The following NLK variants were observed in gnomAD, a reference collection of about 807,000 sequenced individuals.
NLK encodes nemo like kinase, also known as serine/threonine-protein kinase NLK.
In NLK, 11 loss-of-function variants were observed where a neutral mutation model predicts 59.0. The ratio of observed to expected loss-of-function variants is 0.19; its 90% confidence interval spans 0.12 to 0.31. The LOEUF is 0.31. Ranked by LOEUF, NLK falls within the 10% of genes least tolerant of loss-of-function variation. The pLI, the probability that NLK is intolerant of heterozygous loss-of-function variation, is 1.00. For synonymous variants in NLK, 235 were observed against 235.9 expected (o/e 1.00, Z 0.03); for missense variants, 410 against 661.1 (o/e 0.62, Z 4.16).
chr17:28,053,656 G>C (rs1909339003), intron 1 of NLK, among the ~76,000 whole-genome samples: 1 of 152,064 alleles, frequency 6.6e-6, no homozygotes, highest in South Asian at 2.1e-4. Context: ...TAAAATTCTT[G>C]CTCTGAGCTA....
At chr17:28,199,495 G>A (rs776371787), downstream of NLK, among the ~76,000 whole-genome samples, 7 of 151,728 alleles carry the variant, frequency 4.6e-5, no homozygotes, top group Non-Finnish European at 1.0e-4. Context: ...GTGAAAACCC[G>A]TCTCTACTAA....
rs566365199 is a variant in NLK at position 28,051,277 on chromosome 17, ATTTG to A, written c.458+7974_458+7977del. On this transcript the variant is annotated intron_variant, in intron 1 of 10. Transcript: ENST00000407008. ...TATTAATACAATTCTTCCAAATCTC[ATTTG>A]TTTGTTTGTTTGTTTGTTTGTTTGT... Among the ~76,000 whole-genome samples the A allele has an allele frequency of 8.7e-3, 1,313 of 151,488 alleles. 14 individuals carry two copies. The highest frequency in any genetic ancestry group is 0.02 in the Middle Eastern group (6 of 294).
chr17:28,179,330 A>G (rs1308948238), intron 7 of NLK, among the ~76,000 whole-genome samples: 1 of 152,126 alleles, frequency 6.6e-6, no homozygotes, highest in African/African-American at 2.4e-5. Flanking sequence ...TCCAGGCTCA[A>G]GCAATCCTCC....
At chr17:28,169,724 T>C (rs1260135182) in intron 6 of NLK, among the ~76,000 whole-genome samples, 4 of 145,786 alleles carry the variant, frequency 2.7e-5, no homozygotes, top group South Asian at 2.1e-4. Flanking sequence ...TCTTCTTCTT[T>C]TTTTTTTTTT....
At chr17:28,088,391 A>G (rs1358133774) in intron 1 of NLK, among the ~76,000 whole-genome samples, 2 of 152,204 alleles carry the variant, frequency 1.3e-5, no homozygotes, top group Non-Finnish European at 2.9e-5. Context: ...TGTATTTGTT[A>G]GCTGAAATAG....
intron 3 of NLK, among the ~76,000 whole-genome samples, chr17:28,141,964 A>G (rs1567725965): frequency 6.6e-6 from 1 of 152,330 alleles, no homozygotes; most frequent in African/African-American, 2.4e-5. Context: ...TTGGAGGGTT[A>G]TGACGGTGGA....
intron 8 of NLK, among the ~76,000 whole-genome samples, chr17:28,187,489 A>G (rs565638839): frequency 6.6e-6 from 1 of 152,170 alleles, no homozygotes; most frequent in South Asian, 2.1e-4. Context: ...TTTAGTAGAG[A>G]TGGGGTTTCA....
At chr17:28,132,276 G>A (rs1351157203) in intron 2 of NLK, among the ~76,000 whole-genome samples, 1 of 152,134 alleles carries the variant, frequency 6.6e-6, no homozygotes, top group African/African-American at 2.4e-5. Context: ...GTTGAACAGA[G>A]GAATAAAGGA....
At chr17:28,088,294 A>G (rs1251551545) in intron 1 of NLK, among the ~76,000 whole-genome samples, 1 of 152,166 alleles carries the variant, frequency 6.6e-6, no homozygotes, top group Non-Finnish European at 1.5e-5. Context: ...CTGCTTTTTC[A>G]TATTATAGAC....
intron 5 of NLK, among the ~76,000 whole-genome samples, chr17:28,164,054 A>G (rs797018155): frequency 7.0e-4 from 107 of 152,320 alleles, no homozygotes; most frequent in East Asian, 2.3e-3. Context: ...GTAGCAAAGT[A>G]AGAAGTAGAA....
At position 28,059,451 on chromosome 17, in the gene NLK, T is replaced by C. The variant is rs747053071; in HGVS notation, c.458+16120T>C. Among the ~76,000 whole-genome samples the C allele has an allele frequency of 7.9e-5, 12 of 152,156 alleles. 2 individuals are homozygous for C. The South Asian group carries it at 1.4e-3, about 18-fold the overall frequency. On this transcript the variant is annotated intron_variant, in intron 1 of 10. Transcript: ENST00000407008. ...AAGTTAAGAATGCTATTGAACTGTT[T>C]AGGGAAATACCCTTTTCTTTGCAGT...
chr17:28,168,334 T>C (rs1424840016), intron 5 of NLK, 114 bp from the exon 6 acceptor site: 5 of 692,580 alleles, frequency 7.2e-6, no homozygotes, highest in Non-Finnish European at 1.2e-5. Context: ...AGACTCCATC[T>C]CAAAAAAAAA....
the NLK span, among the ~76,000 whole-genome samples, chr17:28,201,567 A>G: frequency 7.2e-5 from 11 of 151,876 alleles, 1 homozygote; most frequent in Non-Finnish European, 4.4e-5. Flanking sequence ...AAAAGAAAAA[A>G]CAAACAAAAA....
chr17:28,061,875 T>C (rs996998981), intron 1 of NLK: 3 of 145,358 alleles, frequency 2.1e-5, no homozygotes, highest in Non-Finnish European at 4.5e-5. Context: ...TATACATATA[T>C]ATAATATATA....
chr17:28,110,170 T>G (rs1049371104), intron 1 of NLK, among the ~76,000 whole-genome samples: 1 of 152,244 alleles, frequency 6.6e-6, no homozygotes, highest in African/African-American at 2.4e-5. Flanking sequence ...ATGATTCTGT[T>G]GTGAATGAAA....
chr17:28,167,442 T>C (rs1195704354), intron 5 of NLK, among the ~76,000 whole-genome samples: 1 of 151,788 alleles, frequency 6.6e-6, no homozygotes, highest in African/African-American at 2.4e-5. Context: ...GATCTTGTTA[T>C]GTTGTCCAGC....
At position 28,131,566 on chromosome 17, in the gene NLK, A is replaced by G. The variant is rs181507043; in HGVS notation, c.589-1054A>G. ...TCTATACTATTCTGCCCACTTTTAT[A>G]TGTTTGAAGTTCTCTGTAGTAAAAA... On this transcript the variant is annotated intron_variant, in intron 2 of 10. Coordinates refer to ENST00000407008, the MANE Select transcript of NLK (RefSeq NM_016231.5). 3.8e-4 allele frequency among the ~76,000 whole-genome samples: 49 copies of G among 127,744 alleles called. 1 individual carries two copies. In the East Asian group the frequency reaches 0.011, roughly 28 times the overall value. 83.8% of individuals were successfully genotyped at this position (127,744 alleles called of 152,430 possible). A position where few individuals can be genotyped will look rare whatever the true frequency, so the allele number is the denominator to read the frequency against.
At chr17:28,146,095 G>A (rs1907235676) in intron 3 of NLK, among the ~76,000 whole-genome samples, 1 of 152,050 alleles carries the variant, frequency 6.6e-6, no homozygotes, top group African/African-American at 2.4e-5. Context: ...AAGAAATAGG[G>A]GCACATTCAT....
At chr17:28,073,666 A>G (rs1910080373) in intron 1 of NLK, among the ~76,000 whole-genome samples, 1 of 152,142 alleles carries the variant, frequency 6.6e-6, no homozygotes, top group South Asian at 2.1e-4. Context: ...CCAGTTTAGA[A>G]TGTCTTTTCC....
Sources: allele counts gnomAD v4.1 joint callset (sites outside exome capture counted in the v4.1 genomes callset), GRCh38; gene constraint gnomAD v4.1.1; transcripts MANE v1.5; gene names NCBI Gene and HGNC (gene_info 2026-07-23, HGNC 2026-07-21).